STK4: variants seen among roughly 807,000 people sequenced by gnomAD.
STK4 encodes the protein serine/threonine kinase 4.
STK4 carries 30 observed loss-of-function variants against 64.9 expected under a neutral mutation model. That is an observed-to-expected ratio of 0.46 (90% CI 0.35 to 0.63). The LOEUF (loss-of-function observed/expected upper bound fraction) is 0.63. Ranked by LOEUF, STK4 falls within the 20% of genes least tolerant of loss-of-function variation. STK4 has a pLI of 0.01. For synonymous variants in STK4, 177 were observed against 199.0 expected, an observed-to-expected ratio of 0.89 and a Z score of 0.93; for missense variants, 466 against 598.5, an observed-to-expected ratio of 0.78 and a Z score of 2.31.
intron 9 of STK4, among the ~76,000 whole-genome samples, chr20:45,020,697 C>G (rs1309363228): frequency 6.6e-6 from 1 of 152,126 alleles, no homozygotes; most frequent in Non-Finnish European, 1.5e-5. Flanking sequence ...GGTGCAATAA[C>G]AGCTGGGGAT....
At chr20:45,058,854 AC>A (rs1978729957) in intron 10 of STK4, among the ~76,000 whole-genome samples, 1 of 152,166 alleles carries the variant, frequency 6.6e-6, no homozygotes, top group Admixed American at 6.5e-5. Context: ...GTGCTTTCAA[AC>A]ATCAAGAGCC....
At chr20:45,031,841 G>T (rs1222766663) in intron 10 of STK4, among the ~76,000 whole-genome samples, 2 of 145,464 alleles carry the variant, frequency 1.4e-5, no homozygotes, top group Non-Finnish European at 3.0e-5. Flanking sequence ...GGAGGCGGAG[G>T]TTGCAGTGAG....
At chr20:44,996,530 A>G (rs373215024) in intron 6 of STK4, among the ~76,000 whole-genome samples, 8 of 152,234 alleles carry the variant, frequency 5.3e-5, no homozygotes, top group African/African-American at 1.9e-4. Context: ...TTTAAAGAAT[A>G]TAATTTAAGC....
At chr20:44,982,325 G>T (rs760660699) in intron 4 of STK4, among the ~76,000 whole-genome samples, 8 of 151,030 alleles carry the variant, frequency 5.3e-5, no homozygotes, top group Non-Finnish European at 1.2e-4. Context: ...TGTGGAGATG[G>T]TGTCTCACTG....
intron 10 of STK4, among the ~76,000 whole-genome samples, chr20:45,074,333 G>C (rs1196044513): frequency 6.6e-6 from 1 of 152,184 alleles, no homozygotes; most frequent in Non-Finnish European, 1.5e-5. Context: ...TCAACTCATT[G>C]TTTTTCTTTG....
intron 9 of STK4, chr20:45,007,766 A>C (rs2067974535): frequency 2.4e-6 from 1 of 418,740 alleles, no homozygotes; most frequent in African/African-American, 2.1e-5. Flanking sequence ...TATTTATTTA[A>C]AAAATTTCAA....
chr20:44,971,181 G>C (rs1210728324), intron 1 of STK4, among the ~76,000 whole-genome samples: 2 of 151,326 alleles, frequency 1.3e-5, no homozygotes, highest in African/African-American at 4.9e-5. Flanking sequence ...AGATCTCAGA[G>C]TTTTAAAAAA....
intron 6 of STK4, among the ~76,000 whole-genome samples, chr20:44,995,567 C>T (rs1011515490): frequency 2.4e-5 from 3 of 124,654 alleles, no homozygotes; most frequent in Non-Finnish European, 4.7e-5. Flanking sequence ...GATCGTGACA[C>T]TGTACTCTAG....
At chr20:45,018,205 T>A (rs1426870873) in intron 9 of STK4, among the ~76,000 whole-genome samples, 2 of 150,228 alleles carry the variant, frequency 1.3e-5, no homozygotes, top group Non-Finnish European at 2.9e-5. Flanking sequence ...TTACCAGAGT[T>A]GTTGTTGTTG....
intron 10 of STK4, among the ~76,000 whole-genome samples, chr20:45,026,751 G>T (rs1450891347): frequency 6.6e-6 from 1 of 152,148 alleles, no homozygotes. Flanking sequence ...TCTGAACACA[G>T]GTGCAGTGTT....
chr20:45,073,275 C>T (rs143054940), intron 10 of STK4, among the ~76,000 whole-genome samples: 2 of 151,756 alleles, frequency 1.3e-5, no homozygotes, highest in Non-Finnish European at 2.9e-5. Flanking sequence ...TTTTTCAGCC[C>T]GACTTTCCAG....
At chr20:45,021,962 T>G (rs1012919217) in intron 9 of STK4, among the ~76,000 whole-genome samples, 1 of 152,238 alleles carries the variant, frequency 6.6e-6, no homozygotes, top group African/African-American at 2.4e-5. Context: ...GCCCTGTGTC[T>G]TCTTTTTGCA....
rs200716827 is a variant in STK4 at position 45,000,471 on chromosome 20, G to A, written c.911G>A (p.Arg304His). ...GAAGCCATGGATGTGAAACTGAAAC[G>A]CCAGGAATCCCAGCAGCGGGAAGTG... ...INEAMDVKLK[R>H]QESQQREVDQ... The change falls in exon 8 of 11, where the codon CGC (arginine) becomes CAC (histidine). Residue 304 changes from arginine to histidine, a missense_variant. Physicochemically the swap from Arg to His is conservative, Grantham distance 29 (BLOSUM62 0). Around this residue, in one of 2 missense-constraint regions of STK4, gnomAD observed 276 missense variants for 308.9 expected, o/e 0.89. Transcript: ENST00000372806. 5 of 1,614,078 alleles carry A rather than the reference G, an allele frequency of 3.1e-6. No homozygotes were observed. Among genetic ancestry groups the A allele is most frequent in the South Asian group, 2.2e-5 (2 of 91,090 alleles).
chr20:45,058,037 T>C (rs1978642178), intron 10 of STK4, among the ~76,000 whole-genome samples: 1 of 145,378 alleles, frequency 6.9e-6, no homozygotes, highest in Non-Finnish European at 1.5e-5. Context: ...AAAACTTATA[T>C]TTAGCAGTTT....
At position 44,997,306 on chromosome 20, in the gene STK4, G is replaced by A. The variant is rs769659249; in HGVS notation, c.831G>A (p.Gln277=). The A allele has an allele frequency of 6.3e-7, 1 of 1,590,306 alleles. No individual in the cohort carries two copies. Among genetic ancestry groups the A allele is most frequent in the Non-Finnish European group, 8.5e-7 (1 of 1,171,608 alleles). Residue 277 remains glutamine, a splice_region_variant and synonymous_variant, in exon 7 of 11, where the codon CAG becomes CAA. Transcript: ENST00000372806. ...EQRATATQLL[Q]HPFVRSAKGV... ...GGGCCACAGCCACTCAGCTCCTGCA[G>A]GTATGAATCACCCTGTGATGCCATC...
intron 9 of STK4, among the ~76,000 whole-genome samples, chr20:45,005,527 A>G (rs1228733817): frequency 1.3e-5 from 2 of 151,896 alleles, no homozygotes; most frequent in East Asian, 2.0e-4. Flanking sequence ...AGGCGCCTAT[A>G]GTCCTAGCTA....
chr20:45,057,520 C>T (rs7266289), intron 10 of STK4, among the ~76,000 whole-genome samples: 37,388 of 152,038 alleles, frequency 0.25, 5,419 homozygotes, highest in Middle Eastern at 0.42. Flanking sequence ...TAGAACTATA[C>T]CTTCCCATGG....
intron 9 of STK4, among the ~76,000 whole-genome samples, chr20:45,015,578 A>G (rs774039143): frequency 1.3e-5 from 2 of 152,180 alleles, no homozygotes; most frequent in African/African-American, 2.4e-5. Context: ...GCACCCCAAA[A>G]CTAAAGCTGA....
intron 5 of STK4, among the ~76,000 whole-genome samples, chr20:44,987,856 A>C (rs1300267585): frequency 6.6e-6 from 1 of 152,240 alleles, no homozygotes; most frequent in South Asian, 2.1e-4. Flanking sequence ...AAATAGAAAT[A>C]GTTTTAGGCA....
Sources: allele counts gnomAD v4.1 joint callset (sites outside exome capture counted in the v4.1 genomes callset), GRCh38; gene constraint gnomAD v4.1.1; regional missense constraint gnomAD v4.1.1; transcripts MANE v1.5; gene names NCBI Gene and HGNC (gene_info 2026-07-23, HGNC 2026-07-21).